The following NR6A1 variants were observed in gnomAD, a reference collection of about 807,000 sequenced individuals.
NR6A1 encodes the protein nuclear receptor subfamily 6 group A member 1, also known as retinoic acid receptor-related testis-associated receptor.
A neutral mutation model predicts 59.1 loss-of-function variants in NR6A1; 7 were observed. The ratio of observed to expected loss-of-function variants is 0.12; its 90% confidence interval spans 0.07 to 0.22. The LOEUF (loss-of-function observed/expected upper bound fraction) is 0.22, where lower values mean the gene tolerates loss of function less well. Among genes scored for constraint, NR6A1 ranks in the 10% least tolerant of loss-of-function variants. The pLI, the probability that NR6A1 is intolerant of heterozygous loss-of-function variation, is 1.00. For missense variants in NR6A1, 468 were observed against 611.6 expected, an observed-to-expected ratio of 0.77 and a Z score of 2.48; for synonymous variants, 243 against 236.1, an observed-to-expected ratio of 1.03 and a Z score of -0.27.
chr9:124,690,281 T>C (rs2131017420), intron 2 of NR6A1, among the ~76,000 whole-genome samples: 1 of 152,248 alleles, frequency 6.6e-6, no homozygotes, highest in South Asian at 2.1e-4. Context: ...TTTTATTGAG[T>C]TTATGCTTAT....
chr9:124,671,230 G>C (rs1332125256), intron 2 of NR6A1, among the ~76,000 whole-genome samples: 1 of 152,134 alleles, frequency 6.6e-6, no homozygotes, highest in Non-Finnish European at 1.5e-5. Flanking sequence ...TTTTAAAAGG[G>C]TTAAGATGGT....
intron 2 of NR6A1, among the ~76,000 whole-genome samples, chr9:124,670,840 T>C (rs186950081): frequency 6.6e-6 from 1 of 152,274 alleles, no homozygotes; most frequent in East Asian, 1.9e-4. Context: ...AGCAACTGGA[T>C]AGAAGATAGA....
intron 1 of NR6A1, among the ~76,000 whole-genome samples, chr9:124,763,333 G>A (rs1840833249): frequency 6.6e-6 from 1 of 152,096 alleles, no homozygotes; most frequent in Non-Finnish European, 1.5e-5. Context: ...TTCTGGTAAG[G>A]GACCAACAGT....
chr9:124,694,616 C>T (rs1838682284), intron 2 of NR6A1, among the ~76,000 whole-genome samples: 1 of 152,100 alleles, frequency 6.6e-6, no homozygotes, highest in African/African-American at 2.4e-5. Flanking sequence ...CTCTCTAAAT[C>T]CTGTAACATG....
chr9:124,662,640 A>G (rs1165939261), intron 2 of NR6A1, among the ~76,000 whole-genome samples: 2 of 152,214 alleles, frequency 1.3e-5, no homozygotes, highest in African/African-American at 2.4e-5. Context: ...GCCTTCATAA[A>G]CAAGTATCCT....
chr9:124,522,544 G>C lies in NR6A1; in HGVS notation c.*161C>G. 2.0e-6 allele frequency: 1 copy of C among 511,496 alleles called. No homozygotes were observed. The highest frequency in any genetic ancestry group is 3.5e-6 in the Non-Finnish European group (1 of 282,782). 31.7% of individuals were successfully genotyped at this position (511,496 alleles called of 1,614,324 possible). On this transcript the variant is annotated 3_prime_UTR_variant, in exon 10 of 10. Coordinates refer to ENST00000487099, the MANE Select transcript of NR6A1 (RefSeq NM_033334.4). ...TGAAATAAATATATAGAAAAATGAG[G>C]TTAAAAAAACAGACAAACAAACAAA...
At chr9:124,667,977 C>T (rs1837674874) in intron 2 of NR6A1, among the ~76,000 whole-genome samples, 1 of 152,130 alleles carries the variant, frequency 6.6e-6, no homozygotes, top group Admixed American at 6.5e-5. Flanking sequence ...TTTTAAAATA[C>T]ACTTGATCCT....
chr9:124,543,220 C>A (rs1333767432), intron 4 of NR6A1, among the ~76,000 whole-genome samples: 1 of 152,124 alleles, frequency 6.6e-6, no homozygotes, highest in Non-Finnish European at 1.5e-5. Flanking sequence ...CCAACCACGG[C>A]TCTAGCCCAA....
intron 7 of NR6A1, among the ~76,000 whole-genome samples, chr9:124,528,118 C>T (rs1239298579): frequency 2.6e-5 from 4 of 152,214 alleles, no homozygotes; most frequent in Non-Finnish European, 5.9e-5. Context: ...TCCAGAACAC[C>T]TGGGGATGAA....
At chr9:124,733,426 C>T (rs1325025720) in intron 1 of NR6A1, 77 bp from the exon 2 acceptor site, 4 of 1,104,832 alleles carry the variant, frequency 3.6e-6, no homozygotes, top group Non-Finnish European at 5.6e-6. Context: ...AAGTATCATA[C>T]AGTTGGGGGG....
intron 6 of NR6A1, among the ~76,000 whole-genome samples, chr9:124,536,663 TAAAA>T (rs79553613): frequency 7.8e-6 from 1 of 128,532 alleles, no homozygotes. Flanking sequence ...AGACTCTGTC[TAAAA>T]AAAAAAAAAA....
At chr9:124,758,940 T>A (rs1301383465) in intron 1 of NR6A1, among the ~76,000 whole-genome samples, 1 of 152,212 alleles carries the variant, frequency 6.6e-6, no homozygotes, top group East Asian at 1.9e-4. Context: ...GATTATCTAA[T>A]TTAGCTCCTC....
Position 124,736,150 on chromosome 9 carries a change from T to C in NR6A1, c.101-2801A>G, listed in dbSNP as rs188777745. ...AAGCAGGCTGGTACAATGGGAAGGT[T>C]AGACCTCTCCTAGGTTCTAACTCAA... On this transcript the variant is annotated intron_variant, in intron 1 of 9. Transcript: ENST00000487099. Among the ~76,000 whole-genome samples, 388 of 152,312 alleles carry C rather than the reference T, an allele frequency of 2.5e-3. 1 individual carries two copies. Among genetic ancestry groups the C allele is most frequent in the Non-Finnish European group, 4.5e-3 (307 of 68,024 alleles).
Position 124,742,327 on chromosome 9 carries a change from C to T in NR6A1, c.101-8978G>A, listed in dbSNP as rs527371633. 2.2e-4 allele frequency among the ~76,000 whole-genome samples: 33 copies of T among 152,238 alleles called. No homozygotes were observed. In the East Asian group the frequency reaches 5.4e-3, roughly 25 times the overall value. ...CCTCTAATCCCAGCACTTTGGAAGG[C>T]CGAGGTGGGCAGATCACCTGAGGTT... On this transcript the variant is annotated intron_variant, in intron 1 of 9. Coordinates refer to ENST00000487099, the MANE Select transcript of NR6A1 (RefSeq NM_033334.4).
intron 2 of NR6A1, among the ~76,000 whole-genome samples, chr9:124,648,065 G>A (rs1002185379): frequency 3.3e-5 from 5 of 151,984 alleles, no homozygotes; most frequent in African/African-American, 4.8e-5. Context: ...AGAATACTAG[G>A]CAAACTGAAT....
intron 1 of NR6A1, among the ~76,000 whole-genome samples, chr9:124,746,944 C>G (rs1219623823): frequency 6.6e-6 from 1 of 152,108 alleles, no homozygotes; most frequent in East Asian, 1.9e-4. Flanking sequence ...AGTAAATGCC[C>G]TAATGGAGAC....
intron 2 of NR6A1, among the ~76,000 whole-genome samples, chr9:124,626,657 G>A (rs577891637): frequency 4.6e-5 from 7 of 152,112 alleles, no homozygotes; most frequent in East Asian, 1.9e-4. Context: ...AGCTTCAGGC[G>A]GGGCGTGGTG....
At chr9:124,713,788 T>C (rs972482795) in intron 2 of NR6A1, among the ~76,000 whole-genome samples, 4 of 152,178 alleles carry the variant, frequency 2.6e-5, no homozygotes, top group African/African-American at 9.7e-5. Context: ...GCACTGCTGA[T>C]GAGAACGTAA....
chr9:124,732,743 C>T lies in NR6A1; in HGVS notation c.142+565G>A, dbSNP rs546887519. 2.0e-5 allele frequency among the ~76,000 whole-genome samples: 3 copies of T among 150,570 alleles called. No homozygotes were observed. In the East Asian group the frequency reaches 5.8e-4, roughly 29 times the overall value. On this transcript the variant is annotated intron_variant, in intron 2 of 9. Coordinates refer to ENST00000487099, the MANE Select transcript of NR6A1 (RefSeq NM_033334.4). Reference sequence around the variant, plus strand: ...TGGAGTTTTGCTCTTGTCACCCAGGCTGGAGTGCAATGGCATGTTCTTGGC... The same window carrying T: ...TGGAGTTTTGCTCTTGTCACCCAGGTTGGAGTGCAATGGCATGTTCTTGGC...
Sources: gnomAD v4.1 joint callset for allele counts (sites outside exome capture counted in the v4.1 genomes callset) on GRCh38, gnomAD v4.1.1 for gene constraint, MANE v1.5 for transcripts, NCBI Gene and HGNC (gene_info 2026-07-23, HGNC 2026-07-21) for gene names.